Variants in NAV3 observed in about 807,000 individuals in gnomAD.
NAV3 encodes pore membrane and/or filament interacting like protein 1.
A neutral mutation model predicts 244.7 loss-of-function variants in NAV3; 87 were observed. The ratio of observed to expected loss-of-function variants is 0.36; its 90% CI spans 0.30 to 0.42. NAV3 has a LOEUF of 0.42. NAV3 is among the 20% of genes least tolerant of loss of function. NAV3 has a pLI of 1.00. For synonymous variants in NAV3, 1,126 were observed against 1,042.2 expected (o/e 1.08, Z -1.55); for missense variants, 2,663 against 2,893.3 (o/e 0.92, Z 1.83).
intron 3 of NAV3, among the ~76,000 whole-genome samples, chr12:77,959,427 G>A (rs1334814970): frequency 2.6e-5 from 4 of 151,870 alleles, no homozygotes; most frequent in African/African-American, 9.7e-5. Flanking sequence ...ATGTGAAATG[G>A]CATCATTTAT....
chr12:78,121,519 TA>T (rs74206814), intron 15 of NAV3, among the ~76,000 whole-genome samples: 39,792 of 149,044 alleles, frequency 0.27, 5,602 homozygotes, highest in East Asian at 0.46. Flanking sequence ...AATTTAAAAA[TA>T]AAAAAAAAAG....
intron 2 of NAV3, among the ~76,000 whole-genome samples, chr12:77,593,345 T>A (rs1017738374): frequency 1.3e-5 from 2 of 151,988 alleles, no homozygotes; most frequent in East Asian, 1.9e-4. Context: ...TTACAACTTA[T>A]TTTTAACACA....
At chr12:77,722,794 T>C (rs1475289830) in intron 2 of NAV3, among the ~76,000 whole-genome samples, 2 of 152,064 alleles carry the variant, frequency 1.3e-5, no homozygotes, top group Non-Finnish European at 2.9e-5. Flanking sequence ...AAATTTTGTC[T>C]TGTTACTTGG....
intron 2 of NAV3, among the ~76,000 whole-genome samples, chr12:77,720,791 A>C (rs2137293104): frequency 6.6e-6 from 1 of 152,114 alleles, no homozygotes; most frequent in South Asian, 2.1e-4. Context: ...GGAGCCTCTT[A>C]ACTGGTTTCT....
In NAV3 at chr12:78,119,800, G is replaced by A. The variant is rs1328344063; in HGVS notation, c.3604G>A (p.Glu1202Lys). The change falls in exon 15 of 40, where the codon GAA becomes AAA. Residue 1202 changes from glutamate to lysine, a missense_variant. This residue lies in a region of NAV3 where 1,521 missense variants were observed against 1,497.0 expected (regional missense o/e 1.02). Coordinates refer to ENST00000397909, the MANE Select transcript of NAV3 (RefSeq NM_001024383.2). ...CGTCAACCAAACAGACAAGGAAAAG[G>A]AAAAAGTAGCAGTCTCAGATTCAGA... ...VTVNQTDKEK[E>K]KVAVSDSESV... The A allele has an allele frequency of 6.2e-7, 1 of 1,614,022 alleles. No individual in the cohort carries two copies. The highest frequency in any genetic ancestry group is 8.5e-7 in the Non-Finnish European group (1 of 1,180,016).
chr12:78,141,048 T>C lies in NAV3; in HGVS notation c.4683+714T>C, dbSNP rs552530035. Among the ~76,000 whole-genome samples, 4 of 152,016 alleles carry C rather than the reference T, an allele frequency of 2.6e-5. No homozygotes were observed. The East Asian group carries it at 7.8e-4, about 29-fold the overall frequency. ...CTAGGACTACAGGCATGCACCACCATGCCCAGCTAATTTTTAAATTGTTTT... is the reference window on the plus strand; with the variant it reads ...CTAGGACTACAGGCATGCACCACCACGCCCAGCTAATTTTTAAATTGTTTT... On this transcript the variant is annotated intron_variant, in intron 20 of 39. Coordinates refer to ENST00000397909, the MANE Select transcript of NAV3 (RefSeq NM_001024383.2).
At position 78,118,011 on chromosome 12, in the gene NAV3, A is replaced by C. The variant is rs1225426957; in HGVS notation, c.2770-16A>C. On this transcript the variant is annotated splice_polypyrimidine_tract_variant and intron_variant, in intron 13 of 39. Transcript: ENST00000397909. ...TTTTTCTACATAAAGTTTTTCTGTA[A>C]TATTTGTCTTTATAGCTGAGGACAG... 7.1e-6 allele frequency: 11 copies of C among 1,546,734 alleles called. No homozygotes were observed. The highest frequency in any genetic ancestry group is 9.6e-6 in the Non-Finnish European group (11 of 1,145,202).
intron 2 of NAV3, among the ~76,000 whole-genome samples, chr12:77,604,430 A>G (rs1870578657): frequency 6.6e-6 from 1 of 152,116 alleles, no homozygotes; most frequent in Non-Finnish European, 1.5e-5. Flanking sequence ...AACATTTAAA[A>G]TCATGTATAG....
At chr12:78,192,499 G>A (rs1018690780) in intron 34 of NAV3, among the ~76,000 whole-genome samples, 2 of 150,834 alleles carry the variant, frequency 1.3e-5, no homozygotes, top group East Asian at 3.9e-4. Flanking sequence ...TCTGCCTCCT[G>A]GGTTCAAGCG....
intron 24 of NAV3, among the ~76,000 whole-genome samples, chr12:78,174,981 A>G (rs1049057810): frequency 1.3e-5 from 2 of 151,998 alleles, no homozygotes; most frequent in African/African-American, 4.8e-5. Flanking sequence ...AGAATAAATC[A>G]TTTTGGAAGA....
chr12:78,143,343 A>C (rs951459316), intron 20 of NAV3: 1 of 445,236 alleles, frequency 2.2e-6, no homozygotes, highest in Non-Finnish European at 4.5e-6. Flanking sequence ...TTGTTTTGAA[A>C]TCTAAGGCCA....
chr12:77,622,094 A>T (rs1031132940), intron 2 of NAV3, among the ~76,000 whole-genome samples: 17 of 152,130 alleles, frequency 1.1e-4, no homozygotes, highest in African/African-American at 4.1e-4. Flanking sequence ...CATTATACTG[A>T]TGAGAAAATT....
At chr12:78,112,620 C>G (rs891427212) in intron 12 of NAV3, among the ~76,000 whole-genome samples, 4 of 152,150 alleles carry the variant, frequency 2.6e-5, no homozygotes, top group African/African-American at 7.2e-5. Flanking sequence ...ATTAGAGTAA[C>G]TGCCCCCATG....
rs549230282 is a variant in NAV3 at position 78,091,995 on chromosome 12, A to G, written c.2637-24777A>G. Among the ~76,000 whole-genome samples the G allele has an allele frequency of 6.6e-5, 10 of 152,254 alleles. No homozygotes were observed. The South Asian group carries it at 2.1e-3, about 32-fold the overall frequency. ...ACGAAAATGGTAATTTAATTTTGCT[A>G]ATATTTCTTACCCCAGAATTCATTC... is the stretch of plus-strand genomic sequence containing the variant. On this transcript the variant is annotated intron_variant, in intron 12 of 39. Transcript: ENST00000397909.
chr12:77,703,712 C>G (rs1200258669), intron 2 of NAV3, among the ~76,000 whole-genome samples: 1 of 152,058 alleles, frequency 6.6e-6, no homozygotes, highest in Non-Finnish European at 1.5e-5. Context: ...ACACCTTGGT[C>G]AGGAGAAAGT....
chr12:78,007,088 A>T lies in NAV3; in HGVS notation c.1550A>T (p.Lys517Met), dbSNP rs1286910807. The change falls in exon 8 of 40, where the codon AAG becomes ATG. Residue 517 changes from lysine (K) to methionine (M), a missense_variant. Physicochemically the swap from Lys to Met is moderately conservative, Grantham distance 95 (BLOSUM62 -1). Transcript: ENST00000397909. ...GGCAGCAAGACAACAGCAGCTAAGA[A>T]GGAAAGCTTAATTCCGTCTTCCAGT... ...PKGSKTTAAK[K>M]ESLIPSSSGI... is the part of the protein sequence containing the mutation. 6.2e-7 allele frequency: 1 copy of T among 1,614,096 alleles called. No homozygotes were observed. The highest frequency in any genetic ancestry group is 8.5e-7 in the Non-Finnish European group (1 of 1,180,050).
At chr12:77,613,069 C>T (rs965219083) in intron 2 of NAV3, among the ~76,000 whole-genome samples, 1 of 152,124 alleles carries the variant, frequency 6.6e-6, no homozygotes, top group Non-Finnish European at 1.5e-5. Context: ...AATCTCTTTC[C>T]TTTATAAATT....
chr12:78,157,844 A>G (rs1202496553), intron 22 of NAV3, among the ~76,000 whole-genome samples: 1 of 151,918 alleles, frequency 6.6e-6, no homozygotes, highest in African/African-American at 2.4e-5. Flanking sequence ...AGGAATGGAA[A>G]AAGATAATAA....
At chr12:77,865,505 CATTA>C (rs1279165422) in intron 1 of NAV3, among the ~76,000 whole-genome samples, 1 of 151,964 alleles carries the variant, frequency 6.6e-6, no homozygotes, top group Non-Finnish European at 1.5e-5. Flanking sequence ...AACATATCCT[CATTA>C]ATTAATGTTT....
Sources: gnomAD v4.1 joint callset for allele counts (sites outside exome capture counted in the v4.1 genomes callset) on GRCh38, gnomAD v4.1.1 for gene constraint, gnomAD v4.1.1 regional missense constraint, MANE v1.5 for transcripts, NCBI Gene and HGNC (gene_info 2026-07-23, HGNC 2026-07-21) for gene names.